Variants in CAMTA1 observed in about 807,000 individuals in gnomAD.
CAMTA1 encodes the protein calmodulin-binding transcription activator 1.
Under a neutral mutation model 170.9 loss-of-function variants are expected in CAMTA1, and 27 were observed. The ratio of observed to expected loss-of-function variants is 0.16; its 90% CI spans 0.12 to 0.22. CAMTA1 has a LOEUF of 0.22. Among genes scored for constraint, CAMTA1 ranks in the 10% least tolerant of loss-of-function variants. The probability of loss-of-function intolerance (pLI) is 1.00; values close to 1 mark genes in which losing one functional copy is unlikely to be tolerated. For synonymous variants in CAMTA1, 833 were observed against 891.5 expected, an observed-to-expected ratio of 0.93 and a Z score of 1.17; for missense variants, 1,619 against 2,217.2, an observed-to-expected ratio of 0.73 and a Z score of 5.42.
intron 4 of CAMTA1, among the ~76,000 whole-genome samples, chr1:7,168,023 A>G (rs940637652): frequency 6.6e-6 from 1 of 152,214 alleles, no homozygotes; most frequent in South Asian, 2.1e-4. Context: ...GGTGTGAGCC[A>G]CTGTACCCAG....
chr1:7,077,259 C>G (rs1213495016), intron 3 of CAMTA1, among the ~76,000 whole-genome samples: 7 of 123,302 alleles, frequency 5.7e-5, no homozygotes, highest in African/African-American at 2.1e-4. Context: ...CCTATTTTCT[C>G]CCTGTATGAA....
chr1:7,560,850 G>A (rs2094946964), intron 6 of CAMTA1, among the ~76,000 whole-genome samples: 1 of 151,504 alleles, frequency 6.6e-6, no homozygotes, highest in Non-Finnish European at 1.5e-5. Context: ...CTGGGAGCTG[G>A]GGCCTGGAAG....
intron 11 of CAMTA1, among the ~76,000 whole-genome samples, chr1:7,690,294 C>G (rs1432182996): frequency 6.6e-6 from 1 of 152,256 alleles, no homozygotes; most frequent in African/African-American, 2.4e-5. Flanking sequence ...GGCATTCACA[C>G]TGGCAGGAGA....
At chr1:7,107,264 GTA>G (rs1199406706) in intron 4 of CAMTA1, among the ~76,000 whole-genome samples, 27 of 99,682 alleles carry the variant, frequency 2.7e-4, no homozygotes, top group African/African-American at 1.1e-3. Flanking sequence ...GTGTGCATGT[GTA>G]TGTGTGTGTG....
Position 7,400,650 on chromosome 1 carries a change from T to C in CAMTA1, c.439-67180T>C, listed in dbSNP as rs991735827. Among the ~76,000 whole-genome samples, 5 of 152,330 alleles carry C rather than the reference T, an allele frequency of 3.3e-5. No individual in the cohort carries two copies. The East Asian group carries it at 9.7e-4, about 29-fold the overall frequency. On this transcript the variant is annotated intron_variant, in intron 5 of 22. Transcript: ENST00000303635. ...TGGCTTTCATAGGGAAAGACTTTCA[T>C]CTTCAGATATGTCCTAGAGTATACG...
chr1:6,802,144 C>T (rs1426539412), intron 1 of CAMTA1, among the ~76,000 whole-genome samples: 1 of 152,168 alleles, frequency 6.6e-6, no homozygotes, highest in Non-Finnish European at 1.5e-5. Context: ...TGCAGCTGGG[C>T]AGTGGGAACT....
intron 3 of CAMTA1, among the ~76,000 whole-genome samples, chr1:7,047,228 C>G (rs553996210): frequency 9.3e-4 from 141 of 152,296 alleles, no homozygotes; most frequent in African/African-American, 3.2e-3. Flanking sequence ...AGCCACTGAA[C>G]TGTTAGGGTC....
intron 5 of CAMTA1, among the ~76,000 whole-genome samples, chr1:7,338,060 T>C (rs983042884): frequency 1.3e-5 from 2 of 151,900 alleles, no homozygotes; most frequent in African/African-American, 4.8e-5. Flanking sequence ...ATACACACAA[T>C]AGGACTACAT....
At chr1:7,022,707 T>G (rs952491467) in intron 3 of CAMTA1, among the ~76,000 whole-genome samples, 1 of 152,136 alleles carries the variant, frequency 6.6e-6, no homozygotes, top group Non-Finnish European at 1.5e-5. Flanking sequence ...GGGCTTAACG[T>G]GTTCTTGGAG....
chr1:6,989,394 G>A (rs1390619667), intron 3 of CAMTA1, among the ~76,000 whole-genome samples: 4 of 152,180 alleles, frequency 2.6e-5, no homozygotes, highest in African/African-American at 4.8e-5. Flanking sequence ...AGCCGTGGCC[G>A]CTCTCTTGTC....
chr1:7,200,818 C>G lies in CAMTA1; in HGVS notation c.303-48673C>G, dbSNP rs1227856112. Among the ~76,000 whole-genome samples, 3 of 152,260 alleles carry G rather than the reference C, an allele frequency of 2.0e-5. No individual in the cohort carries two copies. In the East Asian group the frequency reaches 5.8e-4, roughly 29 times the overall value. The stretch of plus-strand genomic sequence containing the variant: ...TTTATTTTTTCTAATTAATAAGTAT[C>G]TCATGAGGTGGTACTTGGGGACTGT... On this transcript the variant is annotated intron_variant, in intron 4 of 22. Coordinates refer to ENST00000303635, the MANE Select transcript of CAMTA1 (RefSeq NM_015215.4).
At chr1:6,882,639 A>T (rs930210227) in intron 3 of CAMTA1, among the ~76,000 whole-genome samples, 2 of 152,158 alleles carry the variant, frequency 1.3e-5, no homozygotes, top group East Asian at 1.9e-4. Flanking sequence ...CTGTAAGATC[A>T]GGTGGAGATG....
rs1666155127 is a variant in CAMTA1, at chr1:7,248,414, G to A, written c.303-1077G>A. On this transcript the variant is annotated intron_variant, in intron 4 of 22. Transcript: ENST00000303635. The surrounding 1 kb of genome is among the most constrained non-coding windows in gnomAD (Gnocchi z 4.0). ...GCCGTGGCTGAGAGTGAGGTGGCAA[G>A]CCTGCACTGGCCTCGTGGTGCGCAG... is the stretch of plus-strand genomic sequence containing the variant. Among the ~76,000 whole-genome samples, 2 of 152,202 alleles carry A rather than the reference G, an allele frequency of 1.3e-5. No homozygotes were observed. The highest frequency in any genetic ancestry group is 2.9e-5 in the Non-Finnish European group (2 of 68,036).
chr1:7,108,001 A>T (rs1203175556), intron 4 of CAMTA1, among the ~76,000 whole-genome samples: 1 of 152,102 alleles, frequency 6.6e-6, no homozygotes, highest in Non-Finnish European at 1.5e-5. Flanking sequence ...CTCAGTCCCC[A>T]TGGGACATTT....
intron 5 of CAMTA1, among the ~76,000 whole-genome samples, chr1:7,415,955 G>A (rs1017411297): frequency 2.6e-4 from 39 of 152,256 alleles, no homozygotes; most frequent in African/African-American, 8.4e-4. Context: ...GGCAGGCCTG[G>A]CGGTGACAAA....
intron 3 of CAMTA1, among the ~76,000 whole-genome samples, chr1:7,043,591 T>C (rs1262859929): frequency 2.0e-5 from 3 of 152,226 alleles, no homozygotes; most frequent in Non-Finnish European, 4.4e-5. Flanking sequence ...GCTTCGACTC[T>C]TTCTCAGACC....
At chr1:6,841,616 C>G (rs72854269) in intron 3 of CAMTA1, among the ~76,000 whole-genome samples, 1,943 of 151,984 alleles carry the variant, frequency 0.013, 42 homozygotes, top group African/African-American at 0.044. Context: ...GCAAGAATTA[C>G]AAAGGAAAAG....
At chr1:6,840,061 G>A (rs1029902600) in intron 3 of CAMTA1, among the ~76,000 whole-genome samples, 3 of 152,096 alleles carry the variant, frequency 2.0e-5, no homozygotes, top group South Asian at 2.1e-4. Context: ...TTAGCCGGGC[G>A]TGGTGGCACA....
intron 5 of CAMTA1, among the ~76,000 whole-genome samples, chr1:7,444,768 T>G (rs1268233047): frequency 6.6e-6 from 1 of 152,228 alleles, no homozygotes; most frequent in African/African-American, 2.4e-5. Context: ...ACCAGTTCAC[T>G]GGACATAGAA....
Sources: allele counts gnomAD v4.1 joint callset (sites outside exome capture counted in the v4.1 genomes callset), GRCh38; gene constraint gnomAD v4.1.1; non-coding constraint Gnocchi (gnomAD v3.1); transcripts MANE v1.5; gene names NCBI Gene and HGNC (gene_info 2026-07-23, HGNC 2026-07-21).